The following CALCR variants were observed in gnomAD, a reference collection of about 807,000 sequenced individuals.
The protein encoded by CALCR is calcitonin receptor.
A neutral mutation model predicts 59.5 loss-of-function variants in CALCR; 47 were observed. The ratio of observed to expected loss-of-function variants is 0.79; its 90% CI spans 0.63 to 1.01. CALCR has a LOEUF of 1.01. Among genes scored for constraint, CALCR ranks in the 50% least tolerant of loss-of-function variants. CALCR has a pLI of 0.00. For synonymous variants in CALCR, 213 were observed against 211.3 expected, an observed-to-expected ratio of 1.01 and a Z score of -0.07; for missense variants, 566 against 597.1, an observed-to-expected ratio of 0.95 and a Z score of 0.54.
chr7:93,554,690 G>A (rs1373865817), intron 2 of CALCR, among the ~76,000 whole-genome samples: 1 of 149,634 alleles, frequency 6.7e-6, no homozygotes, highest in East Asian at 2.0e-4. Flanking sequence ...ACGTTCCAAA[G>A]GGAAGACCCA....
At chr7:93,500,882 A>G (rs2115999864) in intron 2 of CALCR, among the ~76,000 whole-genome samples, 1 of 152,156 alleles carries the variant, frequency 6.6e-6, no homozygotes, top group East Asian at 1.9e-4. Context: ...TATATTTACT[A>G]ATAAAGAAAA....
intron 2 of CALCR, among the ~76,000 whole-genome samples, chr7:93,552,982 A>G (rs1455313815): frequency 1.3e-5 from 2 of 152,200 alleles, no homozygotes; most frequent in Non-Finnish European, 2.9e-5. Flanking sequence ...ACTTGTTTCT[A>G]TGGCAATGGT....
intron 2 of CALCR, among the ~76,000 whole-genome samples, chr7:93,503,222 C>T (rs1317431775): frequency 3.3e-5 from 5 of 152,102 alleles, no homozygotes; most frequent in Admixed American, 6.6e-5. Flanking sequence ...GAGCAACACT[C>T]GTCTGGAATA....
rs756332201 is a variant in CALCR, at chr7:93,441,565, A to G, written c.802+2039T>C. On this transcript the variant is annotated intron_variant, in intron 9 of 13. Transcript: ENST00000426151. ...AAGGCTGGGGCTAAAAGAGAAAAAA[A>G]AAAATAGTAAAAGACCATTTTGAGT... The G allele has an allele frequency of 4.4e-5, 20 of 454,144 alleles. 1 individual carries two copies. Among genetic ancestry groups the G allele is most frequent in the Middle Eastern group, 3.3e-4 (1 of 3,058 alleles). 28.1% of individuals were successfully genotyped at this position (454,144 alleles called of 1,614,324 possible).
chr7:93,457,593 C>A lies in CALCR; in HGVS notation c.648+3228G>T, dbSNP rs566995088. Among the ~76,000 whole-genome samples the A allele has an allele frequency of 2.0e-5, 3 of 152,238 alleles. No homozygotes were observed. In the South Asian group the frequency reaches 6.2e-4, roughly 32 times the overall value. ...TCCCAGATCAATGTAGTTGATTATT[C>A]AAAAACGGAAGCCTCATTTCTTGGC... On this transcript the variant is annotated intron_variant, in intron 8 of 13. Coordinates refer to ENST00000426151, the MANE Select transcript of CALCR (RefSeq NM_001742.4).
chr7:93,553,209 T>C (rs1789510976), intron 2 of CALCR, among the ~76,000 whole-genome samples: 1 of 152,208 alleles, frequency 6.6e-6, no homozygotes, highest in Non-Finnish European at 1.5e-5. Flanking sequence ...ATTGTCATTC[T>C]GTGGAAGACA....
chr7:93,497,951 G>C (rs972377866), intron 2 of CALCR, among the ~76,000 whole-genome samples: 1 of 151,504 alleles, frequency 6.6e-6, no homozygotes, highest in Admixed American at 6.6e-5. Context: ...AGGGGAAATG[G>C]CTAGAAAGCA....
At chr7:93,547,675 C>A (rs1270383126) in intron 2 of CALCR, among the ~76,000 whole-genome samples, 1 of 152,170 alleles carries the variant, frequency 6.6e-6, no homozygotes, top group Non-Finnish European at 1.5e-5. Context: ...TCAATCACAG[C>A]AATAGATAAT....
chr7:93,443,611 C>T lies in CALCR; in HGVS notation c.795G>A (p.Leu265=). 1 of 1,612,984 alleles carries T rather than the reference C, an allele frequency of 6.2e-7. No individual in the cohort carries two copies. The highest frequency in any genetic ancestry group is 8.5e-7 in the Non-Finnish European group (1 of 1,179,372). Residue 265 remains leucine (L), a synonymous_variant, in exon 9 of 14, where the codon TTG becomes TTA. Coordinates refer to ENST00000426151, the MANE Select transcript of CALCR (RefSeq NM_001742.4). ...GCTGCAGAAAATACATACCCCAGCC[C>T]AAGAGATAATACCACCGCAAGCGTT... ...EKQRLRWYYL[L]GWGFPLVPTT... is the part of the protein sequence containing the mutation.
At chr7:93,517,304 C>CTTTTTTTTTTTTTCTTT (rs753908420) in intron 2 of CALCR, among the ~76,000 whole-genome samples, 12 of 147,220 alleles carry the variant, frequency 8.2e-5, no homozygotes, top group African/African-American at 3.0e-4. Flanking sequence ...GATTTGAGAA[C>CTTTTTTTTTTTTTCTTT]TTTTTTTTTT....
intron 4 of CALCR, 89 bp from the exon 5 acceptor site, chr7:93,477,757 AG>A (rs1800698440): frequency 1.3e-6 from 1 of 779,838 alleles, no homozygotes; most frequent in South Asian, 1.5e-5. Flanking sequence ...CAAGTAGCTG[AG>A]CTCACTACAC....
chr7:93,524,880 A>G (rs1327584541), intron 2 of CALCR, among the ~76,000 whole-genome samples: 1 of 152,178 alleles, frequency 6.6e-6, no homozygotes, highest in Admixed American at 6.5e-5. Context: ...ACAAAACTAA[A>G]GTTTTTAGGG....
intron 8 of CALCR, among the ~76,000 whole-genome samples, chr7:93,449,527 A>C (rs980997937): frequency 2.0e-5 from 3 of 151,990 alleles, no homozygotes; most frequent in African/African-American, 7.2e-5. Context: ...CACCCTCAGG[A>C]CTTAAACCCA....
chr7:93,561,408 C>T (rs1420104585), intron 2 of CALCR, among the ~76,000 whole-genome samples: 1 of 152,106 alleles, frequency 6.6e-6, no homozygotes, highest in East Asian at 1.9e-4. Flanking sequence ...GGGTACCACC[C>T]TTCATTCCCT....
At chr7:93,509,406 T>A (rs1401136064) in intron 2 of CALCR, among the ~76,000 whole-genome samples, 1 of 152,084 alleles carries the variant, frequency 6.6e-6, no homozygotes, top group Non-Finnish European at 1.5e-5. Context: ...GCTTCCTAAG[T>A]CAAATGATAT....
chr7:93,430,080 T>C (rs1426914251), intron 13 of CALCR, among the ~76,000 whole-genome samples: 2 of 139,914 alleles, frequency 1.4e-5, no homozygotes, highest in Admixed American at 7.5e-5. Context: ...TACAAGGGCC[T>C]GCCACCAAGC....
chr7:93,562,299 C>CTTGT (rs1789767917), intron 2 of CALCR, among the ~76,000 whole-genome samples: 1 of 151,990 alleles, frequency 6.6e-6, no homozygotes, highest in Non-Finnish European at 1.5e-5. Context: ...CATAGCTTGG[C>CTTGT]ATGTATCAAC....
At chr7:93,514,099 T>C (rs1176833095) in intron 2 of CALCR, among the ~76,000 whole-genome samples, 1 of 152,032 alleles carries the variant, frequency 6.6e-6, no homozygotes, top group Non-Finnish European at 1.5e-5. Context: ...CTTACTATAC[T>C]CTGCACAAAG....
At chr7:93,512,522 T>C (rs1057348461) in intron 2 of CALCR, among the ~76,000 whole-genome samples, 3 of 152,126 alleles carry the variant, frequency 2.0e-5, no homozygotes, top group African/African-American at 7.2e-5. Flanking sequence ...CCTTAAAAAA[T>C]GCACATAAGA....
Sources: gnomAD v4.1 joint callset for allele counts (sites outside exome capture counted in the v4.1 genomes callset) on GRCh38, gnomAD v4.1.1 for gene constraint, MANE v1.5 for transcripts, NCBI Gene and HGNC (gene_info 2026-07-23, HGNC 2026-07-21) for gene names.